ANO10: variants seen among roughly 807,000 people sequenced by gnomAD.
ANO10 encodes the protein anoctamin 10, also known as anoctamin-10.
Under a neutral mutation model 74.7 loss-of-function variants are expected in ANO10, and 77 were observed. The ratio of observed to expected loss-of-function variants is 1.03; its 90% CI spans 0.86 to 1.25. The LOEUF is 1.25. Ranked by LOEUF, ANO10 falls within the 50% of genes most tolerant of loss-of-function variation. ANO10 has a pLI of 0.00. For missense variants in ANO10, 721 were observed against 778.1 expected (o/e 0.93, Z 0.87); for synonymous variants, 279 against 284.9 (o/e 0.98, Z 0.21).
chr3:43,413,773 G>C (rs1207962256), intron 12 of ANO10, among the ~76,000 whole-genome samples: 3 of 151,016 alleles, frequency 2.0e-5, no homozygotes, highest in African/African-American at 7.3e-5. Flanking sequence ...CAAATTGACT[G>C]CACGGCTGAA....
rs759828781 is a variant in ANO10, at chr3:43,577,168, C to T, written c.686G>A (p.Gly229Glu). 2.5e-6 allele frequency: 4 copies of T among 1,614,078 alleles called. No homozygotes were observed. In the South Asian group the frequency reaches 4.4e-5, roughly 18 times the overall value. Residue 229 changes from glycine (G) to glutamate (E), a missense_variant, in exon 6 of 13, where the codon GGG (glycine) becomes GAG (glutamate). Physicochemically the swap from Gly to Glu is moderately conservative, Grantham distance 98 (BLOSUM62 -2). Transcript: ENST00000292246. ...TFALIPMAVI[G>E]LPYYLFVWED... ...CCACACAAACAAGTAGTAAGGTAAC[C>T]CAATGACAGCCATGGGGATTAATGC...
intron 11 of ANO10, among the ~76,000 whole-genome samples, chr3:43,450,681 G>C (rs1392586569): frequency 1.3e-5 from 2 of 152,130 alleles, no homozygotes; most frequent in Non-Finnish European, 1.5e-5. Flanking sequence ...TGACAAACCT[G>C]AAATAAGATT....
intron 12 of ANO10, among the ~76,000 whole-genome samples, chr3:43,394,009 GA>G (rs2092329220): frequency 6.6e-6 from 1 of 152,134 alleles, no homozygotes; most frequent in Non-Finnish European, 1.5e-5. Context: ...CTGGGGGTGG[GA>G]AAAGGCTGTG....
intron 12 of ANO10, among the ~76,000 whole-genome samples, chr3:43,377,873 A>G (rs186237161): frequency 2.0e-5 from 3 of 152,334 alleles, no homozygotes; most frequent in Non-Finnish European, 2.9e-5. Flanking sequence ...ATAGGAATAA[A>G]CACTCTAGAA....
At chr3:43,647,113 G>T (rs2083733742) in intron 1 of ANO10, among the ~76,000 whole-genome samples, 1 of 149,354 alleles carries the variant, frequency 6.7e-6, no homozygotes. Context: ...TATTAGTGTG[G>T]ATTCTTCAAA....
At chr3:43,414,108 A>G (rs899282651) in intron 12 of ANO10, among the ~76,000 whole-genome samples, 1 of 152,192 alleles carries the variant, frequency 6.6e-6, no homozygotes, top group Non-Finnish European at 1.5e-5. Flanking sequence ...CAGCAAAGAT[A>G]AACAGAAGAA....
intron 11 of ANO10, among the ~76,000 whole-genome samples, chr3:43,481,266 G>C (rs1429101380): frequency 2.6e-5 from 4 of 152,168 alleles, no homozygotes; most frequent in East Asian, 1.9e-4. Flanking sequence ...TTATTTATAT[G>C]AATTACTTTT....
At chr3:43,522,961 C>T (rs1004208750) in intron 11 of ANO10, among the ~76,000 whole-genome samples, 7 of 152,148 alleles carry the variant, frequency 4.6e-5, no homozygotes, top group East Asian at 1.9e-4. Context: ...CATGTGCCCA[C>T]GTCCATACCC....
chr3:43,602,916 A>T (rs1575526962), intron 2 of ANO10, among the ~76,000 whole-genome samples: 1 of 151,902 alleles, frequency 6.6e-6, no homozygotes, highest in East Asian at 1.9e-4. Context: ...CTATTTCTTG[A>T]TTTTTCAGTT....
At position 43,555,397 on chromosome 3, in the gene ANO10, A is replaced by G. The variant is rs149046491; in HGVS notation, c.1549T>C (p.Leu517=). ...YVSLFSCVYP[L]AAAFAVLNNF... is the part of the protein sequence containing the mutation. ...TTTAACACAGCAAAGGCAGCTGCTA[A>G]TGGGTAAACACAGGAGAAAAGGCTC... The change falls in exon 10 of 13, where the codon TTA becomes CTA. Residue 517 remains leucine, a synonymous_variant. Transcript: ENST00000292246. 6.2e-7 allele frequency: 1 copy of G among 1,614,212 alleles called. No homozygotes were observed. Among genetic ancestry groups the G allele is most frequent in the Non-Finnish European group, 8.5e-7 (1 of 1,180,018 alleles).
chr3:43,663,624 G>C (rs986862217), intron 1 of ANO10, among the ~76,000 whole-genome samples: 1 of 152,040 alleles, frequency 6.6e-6, no homozygotes, highest in African/African-American at 2.4e-5. Flanking sequence ...ATGACATAAT[G>C]GTATGCTCAG....
At chr3:43,400,328 T>C (rs958723526) in intron 12 of ANO10, among the ~76,000 whole-genome samples, 6 of 151,128 alleles carry the variant, frequency 4.0e-5, no homozygotes, top group African/African-American at 1.2e-4. Context: ...CTCCCAGAGA[T>C]AGAATGCAGA....
intron 12 of ANO10, among the ~76,000 whole-genome samples, chr3:43,426,774 T>C (rs985605374): frequency 6.6e-6 from 1 of 152,250 alleles, no homozygotes; most frequent in African/African-American, 2.4e-5. Flanking sequence ...TACAATTCTT[T>C]GTAAAGGTTT....
intron 12 of ANO10, chr3:43,372,743 C>T: frequency 9.1e-7 from 1 of 1,096,194 alleles, no homozygotes; most frequent in Non-Finnish European, 1.3e-6. Context: ...ATGTGGTCTC[C>T]AGAGAGCAGG....
At chr3:43,682,940 A>C (rs2084221402) in intron 1 of ANO10, among the ~76,000 whole-genome samples, 1 of 152,212 alleles carries the variant, frequency 6.6e-6, no homozygotes, top group Admixed American at 6.5e-5. Flanking sequence ...TCAAAATAAT[A>C]AGAGCTATCT....
At chr3:43,574,673 TAATC>T (rs1160938217) in intron 7 of ANO10, 132 bp downstream of exon 7, 5 of 713,882 alleles carry the variant, frequency 7.0e-6, no homozygotes, top group Middle Eastern at 3.9e-4. Flanking sequence ...ACATATTTAT[TAATC>T]AATCCTTGCC....
chr3:43,648,281 T>A (rs1206356533), intron 1 of ANO10, among the ~76,000 whole-genome samples: 4 of 152,174 alleles, frequency 2.6e-5, no homozygotes. Context: ...CTTCTGCCAA[T>A]GGGCAGGGAG....
At chr3:43,406,408 G>A (rs369139726) in intron 12 of ANO10, among the ~76,000 whole-genome samples, 108 of 152,242 alleles carry the variant, frequency 7.1e-4, no homozygotes, top group African/African-American at 2.6e-3. Flanking sequence ...TTTTAGAGGC[G>A]CATTTTCAAG....
intron 12 of ANO10, among the ~76,000 whole-genome samples, chr3:43,394,519 A>G (rs2148854078): frequency 6.6e-6 from 1 of 152,252 alleles, no homozygotes; most frequent in South Asian, 2.1e-4. Context: ...AATCTCCTCT[A>G]AAGAGTTAGA....
Sources: gnomAD v4.1 joint callset for allele counts (sites outside exome capture counted in the v4.1 genomes callset) on GRCh38, gnomAD v4.1.1 for gene constraint, MANE v1.5 for transcripts, NCBI Gene and HGNC (gene_info 2026-07-23, HGNC 2026-07-21) for gene names.